The following KIF6 variants were observed in gnomAD, a reference collection of about 807,000 sequenced individuals.
KIF6 encodes the protein kinesin family member 6, also known as kinesin-like protein KIF6.
Under a neutral mutation model 112.7 loss-of-function variants are expected in KIF6, and 106 were observed. The ratio of observed to expected loss-of-function variants is 0.94; its 90% confidence interval spans 0.80 to 1.11. The LOEUF (loss-of-function observed/expected upper bound fraction) is 1.11, where lower values mean the gene tolerates loss of function less well. Ranked by LOEUF, KIF6 falls within the 50% of genes least tolerant of loss-of-function variation. KIF6 has a pLI of 0.00. For synonymous variants in KIF6, 339 were observed against 339.9 expected (o/e 1.00, Z 0.03); for missense variants, 929 against 964.0 (o/e 0.96, Z 0.48).
chr6:39,668,679 C>G lies in KIF6; in HGVS notation c.252-28922G>C, dbSNP rs534378462. Reference sequence around the variant, plus strand: ...CCAGGCCATCTCATGAAAACTTTTCCTGATTGCTTCTGTTCTGCCTCGCCA... The same window carrying G: ...CCAGGCCATCTCATGAAAACTTTTCGTGATTGCTTCTGTTCTGCCTCGCCA... On this transcript the variant is annotated intron_variant, in intron 3 of 22. Coordinates refer to ENST00000287152, the MANE Select transcript of KIF6 (RefSeq NM_145027.6). 5.3e-5 allele frequency among the ~76,000 whole-genome samples: 8 copies of G among 152,256 alleles called. No homozygotes were observed. In the East Asian group the frequency reaches 1.5e-3, roughly 29 times the overall value.
intron 13 of KIF6, 131 bp downstream of exon 13, chr6:39,539,872 A>G: frequency 1.4e-6 from 1 of 690,974 alleles, no homozygotes; most frequent in Non-Finnish European, 2.4e-6. Flanking sequence ...TTAATTTAAG[A>G]TAATTGATAG....
At chr6:39,510,680 A>G (rs1582015619) in intron 13 of KIF6, among the ~76,000 whole-genome samples, 1 of 152,240 alleles carries the variant, frequency 6.6e-6, no homozygotes, top group South Asian at 2.1e-4. Flanking sequence ...GGCAGGATCA[A>G]ATTCACATAT....
intron 13 of KIF6, among the ~76,000 whole-genome samples, chr6:39,513,924 A>G (rs1582023326): frequency 6.6e-6 from 1 of 152,218 alleles, no homozygotes; most frequent in East Asian, 1.9e-4. Flanking sequence ...AAATAATATT[A>G]CAAAAAAAGT....
At chr6:39,560,491 T>C (rs2150595073) in intron 10 of KIF6, among the ~76,000 whole-genome samples, 1 of 152,296 alleles carries the variant, frequency 6.6e-6, no homozygotes, top group South Asian at 2.1e-4. Flanking sequence ...ACTTACGGCT[T>C]TGCTCATATT....
intron 3 of KIF6, among the ~76,000 whole-genome samples, chr6:39,699,416 G>C (rs756106524): frequency 4.6e-5 from 7 of 152,194 alleles, no homozygotes; most frequent in Admixed American, 3.3e-4. Context: ...AACAGCCAGG[G>C]CAAGAGCCTT....
In KIF6 at chr6:39,725,357, C is replaced by A. The variant is rs750102085; in HGVS notation, c.-47G>T. The A allele has an allele frequency of 1.3e-5, 20 of 1,526,740 alleles. No individual in the cohort carries two copies. The highest frequency in any genetic ancestry group is 1.8e-5 in the Non-Finnish European group (20 of 1,112,490). The allele number at this position is 1,526,740 out of a possible 1,614,324, so 94.6% of individuals were successfully genotyped here. A position where few individuals can be genotyped will look rare whatever the true frequency, so the allele number is the denominator to read the frequency against. On this transcript the variant is annotated 5_prime_UTR_variant, in exon 1 of 23. Coordinates refer to ENST00000287152, the MANE Select transcript of KIF6 (RefSeq NM_145027.6). ...ACCCTTGACCTCTCTCAGGCCCGGG[C>A]TGCCAAAACTAACTCCCACCACCTC...
chr6:39,418,618 T>A (rs1435868321), intron 15 of KIF6, among the ~76,000 whole-genome samples: 1 of 152,158 alleles, frequency 6.6e-6, no homozygotes, highest in Non-Finnish European at 1.5e-5. Flanking sequence ...TAGAGGTTAG[T>A]AGAAATACAG....
chr6:39,530,488 CTCAT>C (rs1265032674), intron 13 of KIF6, among the ~76,000 whole-genome samples: 3 of 152,198 alleles, frequency 2.0e-5, no homozygotes, highest in African/African-American at 7.2e-5. Context: ...AACAATCTCT[CTCAT>C]TATTTCAATG....
chr6:39,454,750 A>G lies in KIF6; in HGVS notation c.1646-23589T>C, dbSNP rs546062994. On this transcript the variant is annotated intron_variant, in intron 13 of 22. Transcript: ENST00000287152. ...GGAGTTCCCTTTCCGAGTCAAAGAA[A>G]GGGATGACGGACGCACCTGGAAAAT... Among the ~76,000 whole-genome samples the G allele has an allele frequency of 4.1e-3, 626 of 152,222 alleles. 3 individuals are homozygous for G. The highest frequency in any genetic ancestry group is 7.0e-3 in the Non-Finnish European group (478 of 68,002).
chr6:39,584,417 TAAAAAAAAAA>T (rs61215070), intron 9 of KIF6, among the ~76,000 whole-genome samples: 14 of 46,062 alleles, frequency 3.0e-4, no homozygotes, highest in South Asian at 1.0e-3. Flanking sequence ...ACTCTGTCTC[TAAAAAAAAAA>T]AAAAAAAAAA....
chr6:39,568,496 C>T (rs932636893), intron 10 of KIF6, among the ~76,000 whole-genome samples: 8 of 152,098 alleles, frequency 5.3e-5, no homozygotes, highest in African/African-American at 1.9e-4. Context: ...CAGTTTCATC[C>T]ATTACAAGAA....
intron 18 of KIF6, among the ~76,000 whole-genome samples, chr6:39,357,938 G>A (rs962183853): frequency 5.9e-5 from 9 of 152,166 alleles, no homozygotes; most frequent in Admixed American, 5.9e-4. Context: ...AGTTTTCCAC[G>A]TTGAACATGT....
intron 3 of KIF6, among the ~76,000 whole-genome samples, chr6:39,683,835 G>C (rs1415624958): frequency 6.6e-6 from 1 of 152,196 alleles, no homozygotes; most frequent in Non-Finnish European, 1.5e-5. Context: ...TATAAAAGAG[G>C]AGGAAGTAGG....
At chr6:39,443,788 G>C (rs1290651059) in intron 13 of KIF6, among the ~76,000 whole-genome samples, 1 of 152,072 alleles carries the variant, frequency 6.6e-6, no homozygotes, top group East Asian at 1.9e-4. Context: ...TTGCATTCTA[G>C]CTAAGGAGCA....
intron 9 of KIF6, among the ~76,000 whole-genome samples, chr6:39,584,653 ACT>A (rs753931045): frequency 4.2e-4 from 64 of 151,844 alleles, no homozygotes; most frequent in Non-Finnish European, 7.8e-4. Flanking sequence ...GTGAAGCCTG[ACT>A]CTGCTACTTA....
intron 13 of KIF6, among the ~76,000 whole-genome samples, chr6:39,438,157 A>G (rs1049581254): frequency 2.0e-5 from 3 of 152,074 alleles, no homozygotes; most frequent in Non-Finnish European, 2.9e-5. Flanking sequence ...TATTTTTAGT[A>G]GAGATGAGAT....
intron 15 of KIF6, among the ~76,000 whole-genome samples, chr6:39,407,340 G>A (rs1023794655): frequency 3.3e-5 from 5 of 152,128 alleles, no homozygotes; most frequent in African/African-American, 1.2e-4. Flanking sequence ...TATCTTTGAT[G>A]TCCCTTGCCT....
At chr6:39,618,158 C>G (rs1212726192) in intron 5 of KIF6, among the ~76,000 whole-genome samples, 1 of 152,038 alleles carries the variant, frequency 6.6e-6, no homozygotes, top group Non-Finnish European at 1.5e-5. Flanking sequence ...ATTCATGAAC[C>G]TGCAATATAT....
chr6:39,681,524 T>G (rs1404318875), intron 3 of KIF6, among the ~76,000 whole-genome samples: 1 of 152,230 alleles, frequency 6.6e-6, no homozygotes, highest in Non-Finnish European at 1.5e-5. Flanking sequence ...TAATTGCCTT[T>G]TAATTTTTTT....
Sources: gnomAD v4.1 joint callset for allele counts (sites outside exome capture counted in the v4.1 genomes callset) on GRCh38, gnomAD v4.1.1 for gene constraint, MANE v1.5 for transcripts, NCBI Gene and HGNC (gene_info 2026-07-23, HGNC 2026-07-21) for gene names.